ERG: variants seen among roughly 807,000 people sequenced by gnomAD.
ERG encodes ETS transcription factor ERG.
Under a neutral mutation model 55.3 loss-of-function variants are expected in ERG, and 9 were observed. The observed-to-expected ratio is 0.16, with a 90% confidence interval of 0.10 to 0.28. ERG has a LOEUF of 0.28. Among genes scored for constraint, ERG ranks in the 10% least tolerant of loss-of-function variants. The pLI, the probability that ERG is intolerant of heterozygous loss-of-function variation, is 1.00. For missense variants in ERG, 434 were observed against 631.6 expected (o/e 0.69, Z 3.35); for synonymous variants, 223 against 237.3 (o/e 0.94, Z 0.55).
intron 1 of ERG, among the ~76,000 whole-genome samples, chr21:38,607,572 T>A (rs944590908): frequency 1.3e-5 from 2 of 152,004 alleles, no homozygotes; most frequent in South Asian, 4.2e-4. Context: ...AGGCTGAGCT[T>A]GCAGTGAGCC....
At chr21:38,545,581 C>T (rs1033391746) in intron 2 of ERG, among the ~76,000 whole-genome samples, 1 of 152,170 alleles carries the variant, frequency 6.6e-6, no homozygotes, top group South Asian at 2.1e-4. Context: ...TCTCTTGACT[C>T]CACTTAAGCT....
chr21:38,407,319 A>G (rs1176306270), intron 3 of ERG, among the ~76,000 whole-genome samples: 7 of 152,200 alleles, frequency 4.6e-5, no homozygotes, highest in Non-Finnish European at 1.5e-5. Flanking sequence ...TAAAAATTAC[A>G]CTGTTGAAAT....
At chr21:38,624,089 C>T (rs938416653) in intron 1 of ERG, among the ~76,000 whole-genome samples, 1 of 152,186 alleles carries the variant, frequency 6.6e-6, no homozygotes, top group Non-Finnish European at 1.5e-5. Context: ...AGAAAACCTC[C>T]TCGTGAGCCT....
chr21:38,588,767 G>C (rs1357158075), upstream of ERG, among the ~76,000 whole-genome samples: 5 of 152,092 alleles, frequency 3.3e-5, no homozygotes, highest in Non-Finnish European at 5.9e-5. Context: ...ATCCAGGCTG[G>C]TGTGCAGTGG....
At position 38,541,243 on chromosome 21, in the gene ERG, G is replaced by C. The variant is rs186553535; in HGVS notation, c.-41+34419C>G. Among the ~76,000 whole-genome samples the C allele has an allele frequency of 2.3e-3, 345 of 152,242 alleles. 5 individuals carry two copies. Among genetic ancestry groups the C allele is most frequent in the African/African-American group, 8.0e-3 (331 of 41,546 alleles). On this transcript the variant is annotated intron_variant, in intron 2 of 8. Coordinates refer to the ERG transcript ENST00000398897. Reference sequence around the variant, plus strand: ...TCCATGCCCATATGTTTCTGCTTAAGAGGCTTCATTCAAATCAAATTGGAA... The same window carrying C: ...TCCATGCCCATATGTTTCTGCTTAACAGGCTTCATTCAAATCAAATTGGAA...
chr21:38,618,473 T>C (rs1177047813), intron 1 of ERG, among the ~76,000 whole-genome samples: 2 of 152,140 alleles, frequency 1.3e-5, no homozygotes, highest in Non-Finnish European at 2.9e-5. Flanking sequence ...AAAGGTTTGG[T>C]TGGTGACATC....
At chr21:38,543,356 T>TG (rs1335625920) in intron 2 of ERG, among the ~76,000 whole-genome samples, 7 of 35,484 alleles carry the variant, frequency 2.0e-4, no homozygotes, top group Non-Finnish European at 1.7e-4. Flanking sequence ...TATATGTGTG[T>TG]TTTTTTTTAA....
intron 2 of ERG, among the ~76,000 whole-genome samples, chr21:38,559,839 C>A (rs966487454): frequency 4.6e-5 from 7 of 152,098 alleles, no homozygotes; most frequent in African/African-American, 9.7e-5. Flanking sequence ...CGCCACCACG[C>A]CCAGCTAATT....
chr21:38,390,923 C>T, intron 9 of ERG, 72 bp downstream of exon 9: 1 of 1,219,958 alleles, frequency 8.2e-7, no homozygotes, highest in Non-Finnish European at 1.2e-6. Flanking sequence ...CTCACCAATA[C>T]CAATTTACTT....
intron 2 of ERG, among the ~76,000 whole-genome samples, chr21:38,559,675 T>C (rs2059880699): frequency 6.6e-6 from 1 of 152,170 alleles, no homozygotes; most frequent in Non-Finnish European, 1.5e-5. Flanking sequence ...AAAACAAATT[T>C]TTTAATAATC....
At chr21:38,467,429 CA>C (rs2059100926) in intron 1 of ERG, among the ~76,000 whole-genome samples, 1 of 152,110 alleles carries the variant, frequency 6.6e-6, no homozygotes, top group South Asian at 2.1e-4. Context: ...ACACATTTTC[CA>C]AGAACAAATG....
chr21:38,638,098 G>T (rs1340495948), intron 1 of ERG, among the ~76,000 whole-genome samples: 3 of 152,110 alleles, frequency 2.0e-5, no homozygotes, highest in Admixed American at 2.0e-4. Context: ...AGATCTGGTA[G>T]GGGGGCCTGG....
intron 1 of ERG, among the ~76,000 whole-genome samples, chr21:38,590,821 G>C (rs955972473): frequency 3.3e-5 from 5 of 152,208 alleles, no homozygotes; most frequent in African/African-American, 1.2e-4. Flanking sequence ...AGACAGAGTT[G>C]TAAAGAAAAA....
At chr21:38,582,176 G>A (rs373858088) in intron 1 of ERG, among the ~76,000 whole-genome samples, 3 of 152,008 alleles carry the variant, frequency 2.0e-5, no homozygotes, top group South Asian at 2.1e-4. Flanking sequence ...AGAGCATAGC[G>A]TTTTCCTGAG....
chr21:38,434,154 G>A (rs1204777654), intron 2 of ERG, among the ~76,000 whole-genome samples: 1 of 152,120 alleles, frequency 6.6e-6, no homozygotes, highest in East Asian at 1.9e-4. Context: ...CATTTGTTTA[G>A]CAAATATCTG....
At chr21:38,565,985 A>G (rs116951011) in intron 2 of ERG, among the ~76,000 whole-genome samples, 3,674 of 152,324 alleles carry the variant, frequency 0.024, 72 homozygotes, top group South Asian at 0.034. Context: ...GATCAAGCTC[A>G]CAAGTTTCCA....
chr21:38,576,059 G>A (rs1045232686), intron 1 of ERG, among the ~76,000 whole-genome samples: 1 of 152,228 alleles, frequency 6.6e-6, no homozygotes, highest in African/African-American at 2.4e-5. Context: ...AGCATCTAAT[G>A]AGGGATCCAT....
At chr21:38,584,277 C>T (rs186084841) in intron 1 of ERG, among the ~76,000 whole-genome samples, 1 of 152,308 alleles carries the variant, frequency 6.6e-6, no homozygotes, top group Non-Finnish European at 1.5e-5. Context: ...GCCTCATGGG[C>T]ATGCCTTAGA....
At chr21:38,479,872 C>A (rs1476979644) in intron 1 of ERG, among the ~76,000 whole-genome samples, 1 of 152,202 alleles carries the variant, frequency 6.6e-6, no homozygotes, top group Non-Finnish European at 1.5e-5. Context: ...TACTGTACAT[C>A]TTAGCAACCA....
Sources: allele counts gnomAD v4.1 joint callset (sites outside exome capture counted in the v4.1 genomes callset), GRCh38; gene constraint gnomAD v4.1.1; transcripts MANE v1.5; gene names NCBI Gene and HGNC (gene_info 2026-07-23, HGNC 2026-07-21).